Variants in APBA2 observed in about 807,000 individuals in gnomAD.
APBA2 encodes amyloid beta precursor protein binding family A member 2, also known as amyloid-beta A4 precursor protein-binding family A member 2.
APBA2 carries 30 observed loss-of-function variants against 75.0 expected under a neutral mutation model. The observed-to-expected ratio is 0.40, with a 90% CI of 0.30 to 0.54. The LOEUF is 0.54. Among genes scored for constraint, APBA2 ranks in the 20% least tolerant of loss-of-function variants. The probability of loss-of-function intolerance (pLI) is 0.49; values close to 1 mark genes in which losing one functional copy is unlikely to be tolerated. For missense variants in APBA2, 801 were observed against 1,016.1 expected (o/e 0.79, Z 2.88); for synonymous variants, 444 against 409.6 (o/e 1.08, Z -1.01).
intron 2 of APBA2, chr15:28,961,257 C>G (rs2036454841): frequency 1.3e-5 from 2 of 152,252 alleles, no homozygotes; most frequent in African/African-American, 4.8e-5. Flanking sequence ...TGGTGCAATT[C>G]CATGTATAGG....
chr15:28,948,775 A>C (rs1396689153), intron 2 of APBA2, among the ~76,000 whole-genome samples: 2 of 152,142 alleles, frequency 1.3e-5, no homozygotes, highest in Non-Finnish European at 1.5e-5. Flanking sequence ...GCTAGTGCTC[A>C]CTGCAAATAG....
In APBA2 at chr15:29,106,609, G is replaced by A; in HGVS notation, c.1707G>A (p.Leu569=). Residue 569 remains leucine (L), a splice_region_variant and synonymous_variant, in exon 12 of 15, where the codon CTG becomes CTA. Transcript: ENST00000683413. ...TCACACTGCTGATCCCTTTGCAGCTGCAGCTGGAGAAGCACAAGGGCGAGA... is the reference window on the plus strand; with the variant it reads ...TCACACTGCTGATCCCTTTGCAGCTACAGCTGGAGAAGCACAAGGGCGAGA... ...HFSNSENCKE[L]QLEKHKGEIL... 6.2e-7 allele frequency: 1 copy of A among 1,613,198 alleles called. No homozygotes were observed. The highest frequency in any genetic ancestry group is 8.5e-7 in the Non-Finnish European group (1 of 1,180,022).
At chr15:28,975,866 C>T (rs2037310501) in intron 2 of APBA2, among the ~76,000 whole-genome samples, 1 of 152,218 alleles carries the variant, frequency 6.6e-6, no homozygotes, top group South Asian at 2.1e-4. Context: ...ATGGCGCCCT[C>T]TATTGGCGAG....
intron 6 of APBA2, among the ~76,000 whole-genome samples, chr15:29,082,050 C>T (rs1424292857): frequency 6.6e-6 from 1 of 152,104 alleles, no homozygotes; most frequent in Admixed American, 6.5e-5. Flanking sequence ...ACTGCATGAC[C>T]GGCTGTTTGA....
intron 3 of APBA2, among the ~76,000 whole-genome samples, chr15:29,004,313 G>C (rs1043420609): frequency 1.3e-5 from 2 of 152,198 alleles, no homozygotes; most frequent in African/African-American, 2.4e-5. Flanking sequence ...CCCCCTTCCT[G>C]TGACAGAGGG....
chr15:28,914,486 C>A (rs1367782497), intron 1 of APBA2, among the ~76,000 whole-genome samples: 14 of 152,062 alleles, frequency 9.2e-5, no homozygotes, highest in Non-Finnish European at 1.3e-4. Context: ...TCTTCTGTGA[C>A]GCCCATGGGG....
intron 1 of APBA2, among the ~76,000 whole-genome samples, chr15:28,907,430 T>C (rs756155495): frequency 2.2e-4 from 34 of 152,236 alleles, no homozygotes; most frequent in African/African-American, 7.0e-4. Flanking sequence ...TTCATTCCTC[T>C]TCTTTTTTCA....
chr15:29,078,921 C>T (rs561511022), intron 6 of APBA2, among the ~76,000 whole-genome samples: 1 of 152,340 alleles, frequency 6.6e-6, no homozygotes, highest in African/African-American at 2.4e-5. Context: ...CCCTCTGTTA[C>T]CTTTCATAGT....
chr15:29,107,564 A>G (rs1014058958), intron 12 of APBA2, among the ~76,000 whole-genome samples: 1 of 152,124 alleles, frequency 6.6e-6, no homozygotes, highest in African/African-American at 2.4e-5. Flanking sequence ...AGAGCATCCC[A>G]TAGACTGGCT....
intron 3 of APBA2, among the ~76,000 whole-genome samples, chr15:29,024,898 G>GTA (rs780273659): frequency 2.6e-5 from 4 of 152,148 alleles, no homozygotes; most frequent in Non-Finnish European, 5.9e-5. Context: ...ATGGCCTGAG[G>GTA]TATAGCCTTG....
intron 2 of APBA2, among the ~76,000 whole-genome samples, chr15:28,936,577 C>T (rs754793021): frequency 1.3e-5 from 2 of 152,214 alleles, no homozygotes; most frequent in African/African-American, 2.4e-5. Flanking sequence ...GCGTTAGGCA[C>T]GTGCTGGGTG....
At chr15:29,098,162 T>C (rs1306978134) in intron 8 of APBA2, among the ~76,000 whole-genome samples, 4 of 152,204 alleles carry the variant, frequency 2.6e-5, no homozygotes, top group African/African-American at 9.6e-5. Context: ...TTTGGAAATA[T>C]GCCCAGCAGT....
At chr15:28,901,395 C>G (rs1356469283) in intron 1 of APBA2, among the ~76,000 whole-genome samples, 2 of 152,136 alleles carry the variant, frequency 1.3e-5, no homozygotes, top group Non-Finnish European at 2.9e-5. Flanking sequence ...TGGCTTGGGC[C>G]AGGCTCTCTC....
chr15:29,037,758 A>G (rs1157305483), intron 3 of APBA2, among the ~76,000 whole-genome samples: 1 of 152,190 alleles, frequency 6.6e-6, no homozygotes, highest in Non-Finnish European at 1.5e-5. Flanking sequence ...GTCCAAGAGC[A>G]TGGTGCCAGC....
At chr15:28,966,086 AATTT>A (rs1320053591) in intron 2 of APBA2, among the ~76,000 whole-genome samples, 6 of 147,740 alleles carry the variant, frequency 4.1e-5, no homozygotes, top group African/African-American at 1.6e-4. Flanking sequence ...AATTTTTTTG[AATTT>A]ATTAAGGCTT....
chr15:29,070,161 G>A (rs1346219289), intron 4 of APBA2, among the ~76,000 whole-genome samples: 2 of 152,166 alleles, frequency 1.3e-5, no homozygotes, highest in African/African-American at 2.4e-5. Context: ...ACTTATAGTG[G>A]TGAGGGTTGT....
At chr15:28,949,633 T>C (rs2035742873) in intron 2 of APBA2, among the ~76,000 whole-genome samples, 2 of 152,176 alleles carry the variant, frequency 1.3e-5, no homozygotes, top group Non-Finnish European at 2.9e-5. Context: ...CATGCCTGGC[T>C]AATTTTTAAA....
chr15:29,039,098 G>GGTGTGTGTGTGT lies in APBA2; in HGVS notation c.-40-14700_-40-14689dup, dbSNP rs57326919. Among the ~76,000 whole-genome samples the GGTGTGTGTGTGT allele has an allele frequency of 2.5e-3, 268 of 106,290 alleles. 12 individuals carry two copies. Among genetic ancestry groups the GGTGTGTGTGTGT allele is most frequent in the Non-Finnish European group, 3.4e-3 (175 of 52,082 alleles). The allele number at this position is 106,290 out of a possible 152,430, so 69.7% of individuals were successfully genotyped here. ...CAGCCTTATTTCAGCTGTATGTCAG[G>GGTGTGTGTGTGT]GTGTGTGTGTGTGTGTGTGTGTGTG... On this transcript the variant is annotated intron_variant, in intron 3 of 14. Transcript: ENST00000683413.
chr15:28,902,301 G>A (rs914858918), intron 1 of APBA2, among the ~76,000 whole-genome samples: 2 of 152,090 alleles, frequency 1.3e-5, no homozygotes, highest in Admixed American at 6.5e-5. Flanking sequence ...CCCCAAATCC[G>A]TTACCACTAC....
Sources: allele counts gnomAD v4.1 joint callset (sites outside exome capture counted in the v4.1 genomes callset), GRCh38; gene constraint gnomAD v4.1.1; transcripts MANE v1.5; gene names NCBI Gene and HGNC (gene_info 2026-07-23, HGNC 2026-07-21).